GRIK1: variants seen among roughly 807,000 people sequenced by gnomAD.
GRIK1 encodes glutamate receptor ionotropic, kainate 1.
In GRIK1, 69 loss-of-function variants were observed where a neutral mutation model predicts 105.7. That is an observed-to-expected ratio of 0.65 (90% CI 0.54 to 0.80). GRIK1 has a LOEUF of 0.80. Among genes scored for constraint, GRIK1 ranks in the 30% least tolerant of loss-of-function variants. The probability of loss-of-function intolerance (pLI) is 0.00; values close to 1 mark genes in which losing one functional copy is unlikely to be tolerated. For missense variants in GRIK1, 1,109 were observed against 1,167.3 expected (o/e 0.95, Z 0.73); for synonymous variants, 438 against 431.3 (o/e 1.02, Z -0.19).
intron 1 of GRIK1, among the ~76,000 whole-genome samples, chr21:29,887,145 G>A (rs561527059): frequency 1.3e-5 from 2 of 152,152 alleles, no homozygotes; most frequent in African/African-American, 4.8e-5. Flanking sequence ...AACTTTGAAG[G>A]TTACATTAAC....
At chr21:29,712,584 T>C (rs372850826) in intron 1 of GRIK1, among the ~76,000 whole-genome samples, 4 of 152,160 alleles carry the variant, frequency 2.6e-5, no homozygotes, top group African/African-American at 9.7e-5. Flanking sequence ...AACTTTGCAA[T>C]TGATGGCTAT....
chr21:29,546,446 A>G (rs553851952), intron 16 of GRIK1, among the ~76,000 whole-genome samples: 1 of 152,340 alleles, frequency 6.6e-6, no homozygotes, highest in African/African-American at 2.4e-5. Flanking sequence ...TTTTCTGTCC[A>G]GGATTCCCTT....
At chr21:29,651,369 T>C in intron 5 of GRIK1, 78 bp from the exon 6 acceptor site, 1 of 915,944 alleles carries the variant, frequency 1.1e-6, no homozygotes, top group African/African-American at 1.7e-5. Flanking sequence ...TTAATGATTG[T>C]AGCACCAACT....
intron 1 of GRIK1, among the ~76,000 whole-genome samples, chr21:29,741,313 T>C (rs1180634732): frequency 2.6e-5 from 4 of 152,220 alleles, no homozygotes; most frequent in South Asian, 2.1e-4. Flanking sequence ...TGTTCAATCA[T>C]TGACAGGTTA....
intron 1 of GRIK1, among the ~76,000 whole-genome samples, chr21:29,907,503 T>C (rs1231619007): frequency 6.6e-6 from 1 of 152,184 alleles, no homozygotes; most frequent in African/African-American, 2.4e-5. Flanking sequence ...TAATTATTTT[T>C]ACTAGCTGTG....
At chr21:29,552,374 C>T (rs923512106) in intron 16 of GRIK1, among the ~76,000 whole-genome samples, 2 of 152,062 alleles carry the variant, frequency 1.3e-5, no homozygotes, top group African/African-American at 4.8e-5. Context: ...ATTAAATGTG[C>T]AAGAGGTTTT....
intron 1 of GRIK1, among the ~76,000 whole-genome samples, chr21:29,905,391 C>T (rs1394099614): frequency 6.6e-6 from 1 of 151,126 alleles, no homozygotes; most frequent in African/African-American, 2.4e-5. Flanking sequence ...AAGCAAAGGG[C>T]TTTTCAAAAC....
chr21:29,876,683 T>G, intron 1 of GRIK1, among the ~76,000 whole-genome samples: 1 of 152,200 alleles, frequency 6.6e-6, no homozygotes, highest in Non-Finnish European at 1.5e-5. Context: ...ATCTAATATG[T>G]TCTTTGGAGT....
chr21:29,808,041 T>C (rs895097604), intron 1 of GRIK1, among the ~76,000 whole-genome samples: 6 of 152,160 alleles, frequency 3.9e-5, no homozygotes, highest in Non-Finnish European at 8.8e-5. Flanking sequence ...ACACTCAGGA[T>C]TGGCCTATTC....
At chr21:29,789,839 G>A (rs2066362897) in intron 1 of GRIK1, among the ~76,000 whole-genome samples, 1 of 152,280 alleles carries the variant, frequency 6.6e-6, no homozygotes, top group South Asian at 2.1e-4. Context: ...AGGTAATGGG[G>A]AAACCAGTGT....
chr21:29,581,600 C>A, intron 12 of GRIK1, 57 bp from the exon 13 acceptor site: 1 of 938,662 alleles, frequency 1.1e-6, no homozygotes, highest in Non-Finnish European at 1.7e-6. Context: ...AGGACACCAG[C>A]AAAACCAAAA....
At chr21:29,898,971 T>C (rs927609216) in intron 1 of GRIK1, among the ~76,000 whole-genome samples, 1 of 123,480 alleles carries the variant, frequency 8.1e-6, no homozygotes, top group African/African-American at 3.5e-5. Context: ...AAACTCCGTC[T>C]CAAAAAAAAA....
At chr21:29,803,260 A>G (rs456817) in intron 1 of GRIK1, among the ~76,000 whole-genome samples, 122,503 of 152,138 alleles carry the variant, frequency 0.81, 50,095 homozygotes, top group Non-Finnish European at 0.88. Context: ...AATGCAAAAA[A>G]AGCATTTTAA....
intron 1 of GRIK1, among the ~76,000 whole-genome samples, chr21:29,815,400 G>A (rs2067128755): frequency 6.6e-6 from 1 of 152,166 alleles, no homozygotes; most frequent in African/African-American, 2.4e-5. Context: ...AAAGTGCTTA[G>A]CACAGTGTCT....
At chr21:29,904,630 C>T (rs957022992) in intron 1 of GRIK1, among the ~76,000 whole-genome samples, 1 of 152,166 alleles carries the variant, frequency 6.6e-6, no homozygotes, top group African/African-American at 2.4e-5. Flanking sequence ...ATGTGCTAGT[C>T]TCTTTTTATC....
chr21:29,841,469 A>C (rs1409964289), intron 1 of GRIK1, among the ~76,000 whole-genome samples: 2 of 152,164 alleles, frequency 1.3e-5, no homozygotes, highest in East Asian at 3.8e-4. Context: ...CTAAGAAGTT[A>C]AGTAGTTATT....
Position 29,582,437 on chromosome 21 carries a change from C to CGTTTAGTA in GRIK1, c.1794-895_1794-894insTACTAAAC, listed in dbSNP as rs1416291113. 163 of 397,952 alleles carry CGTTTAGTA rather than the reference C, an allele frequency of 4.1e-4. 3 individuals are homozygous for CGTTTAGTA. Among genetic ancestry groups the CGTTTAGTA allele is most frequent in the South Asian group, 3.1e-3 (156 of 50,782 alleles). The allele number at this position is 397,952 out of a possible 1,614,324, so 24.7% of individuals were successfully genotyped here. A position where few individuals can be genotyped will look rare whatever the true frequency, so the allele number is the denominator to read the frequency against. ...GCAGTAAACGTTTCTGGAAAAACAA[C>CGTTTAGTA]TAGTATAGTAGTGTGGGAAGTCGAC... On this transcript the variant is annotated intron_variant, in intron 12 of 17. Transcript: ENST00000327783.
chr21:29,817,618 A>G (rs906747633), intron 1 of GRIK1, among the ~76,000 whole-genome samples: 13 of 152,078 alleles, frequency 8.5e-5, no homozygotes, highest in African/African-American at 2.9e-4. Context: ...GTCTTCCTCT[A>G]TGCCAGCAGC....
At chr21:29,850,727 C>CT (rs1244903337) in intron 1 of GRIK1, among the ~76,000 whole-genome samples, 1 of 152,168 alleles carries the variant, frequency 6.6e-6, no homozygotes, top group Non-Finnish European at 1.5e-5. Flanking sequence ...ACCAAAACTA[C>CT]TTTTTTCATT....
Sources: gnomAD v4.1 joint callset for allele counts (sites outside exome capture counted in the v4.1 genomes callset) on GRCh38, gnomAD v4.1.1 for gene constraint, MANE v1.5 for transcripts, NCBI Gene and HGNC (gene_info 2026-07-23, HGNC 2026-07-21) for gene names.